The following SDK2 variants were observed in gnomAD, a reference collection of about 807,000 sequenced individuals.
SDK2 encodes the protein sidekick cell adhesion molecule 2.
SDK2 carries 105 observed loss-of-function variants against 253.9 expected under a neutral mutation model. The ratio of observed to expected loss-of-function variants is 0.41; its 90% CI spans 0.35 to 0.49. SDK2 has a LOEUF of 0.49. SDK2 is among the 20% of genes least tolerant of loss of function. The pLI is 0.06. For missense variants in SDK2, 2,608 were observed against 3,003.0 expected, an observed-to-expected ratio of 0.87 and a Z score of 3.07; for synonymous variants, 1,249 against 1,234.9, an observed-to-expected ratio of 1.01 and a Z score of -0.24.
chr17:73,399,862 C>T (rs1217576237), intron 21 of SDK2, among the ~76,000 whole-genome samples: 1 of 152,190 alleles, frequency 6.6e-6, no homozygotes, highest in Admixed American at 6.5e-5. Context: ...CCACTACTTA[C>T]AGGCTGTGTG....
chr17:73,372,354 G>A (rs1296666905), intron 36 of SDK2, among the ~76,000 whole-genome samples: 3 of 152,160 alleles, frequency 2.0e-5, no homozygotes, highest in African/African-American at 4.8e-5. Context: ...AGGCTCCAGC[G>A]GGCAGGCATC....
rs139907186 is a variant in SDK2, at chr17:73,373,340, T to G, written c.4981-4747A>C. ...AAATTAACATGGGCCTGCAGATAGC[T>G]CTTCAAGAGCCTCATTTCAATTCCT... is the stretch of plus-strand genomic sequence containing the variant. On this transcript the variant is annotated intron_variant, in intron 36 of 44. Transcript: ENST00000392650. Among the ~76,000 whole-genome samples, 1,092 of 152,318 alleles carry G rather than the reference T, an allele frequency of 7.2e-3. 14 individuals are homozygous for G. Among genetic ancestry groups the G allele is most frequent in the African/African-American group, 0.025 (1,037 of 41,556 alleles).
intron 12 of SDK2, among the ~76,000 whole-genome samples, chr17:73,426,687 C>T (rs148033099): frequency 6.6e-6 from 1 of 152,258 alleles, no homozygotes; most frequent in East Asian, 1.9e-4. Flanking sequence ...CAGTAATCAC[C>T]TTCAATTCAT....
chr17:73,591,982 G>A (rs1375765119), intron 1 of SDK2, among the ~76,000 whole-genome samples: 1 of 152,166 alleles, frequency 6.6e-6, no homozygotes, highest in African/African-American at 2.4e-5. Flanking sequence ...TGGGGACGTG[G>A]GGTACGTGCT....
rs553287127 is a variant in SDK2, at chr17:73,601,414, C to T, written c.64+42611G>A. On this transcript the variant is annotated intron_variant, in intron 1 of 44. Transcript: ENST00000392650. ...AAATTCATGTCCACCCAGAACCTCA[C>T]GATGTGGCCTAATTTGGAAAGAAGG... is the stretch of plus-strand genomic sequence containing the variant. Among the ~76,000 whole-genome samples the T allele has an allele frequency of 7.9e-4, 120 of 152,246 alleles. 1 individual carries two copies. The highest frequency in any genetic ancestry group is 2.7e-3 in the African/African-American group (112 of 41,544).
intron 1 of SDK2, among the ~76,000 whole-genome samples, chr17:73,557,043 G>A (rs920769602): frequency 6.6e-6 from 1 of 152,212 alleles, no homozygotes; most frequent in African/African-American, 2.4e-5. Context: ...CAGACACTGG[G>A]GTTGGCCTTA....
chr17:73,591,789 G>A (rs896066526), intron 1 of SDK2, among the ~76,000 whole-genome samples: 2 of 152,194 alleles, frequency 1.3e-5, no homozygotes, highest in Admixed American at 6.5e-5. Context: ...ACATGACTGA[G>A]CTTTGCGGAG....
At chr17:73,613,539 G>C (rs2046005514) in intron 1 of SDK2, among the ~76,000 whole-genome samples, 1 of 151,998 alleles carries the variant, frequency 6.6e-6, no homozygotes, top group Non-Finnish European at 1.5e-5. Context: ...TCAGCTGTTT[G>C]CAGGCATTTG....
intron 2 of SDK2, among the ~76,000 whole-genome samples, chr17:73,495,613 C>T (rs1178336517): frequency 7.2e-6 from 1 of 138,988 alleles, no homozygotes; most frequent in Non-Finnish European, 1.6e-5. Context: ...TATTGGAGGC[C>T]TGCCCCGTGT....
intron 1 of SDK2, chr17:73,519,709 C>T (rs962503225): frequency 4.6e-5 from 7 of 152,154 alleles, no homozygotes; most frequent in African/African-American, 1.4e-4. Flanking sequence ...AACCCATAGC[C>T]GCCTGCCTCC....
chr17:73,625,416 C>G (rs2046189230), intron 1 of SDK2, among the ~76,000 whole-genome samples: 1 of 152,118 alleles, frequency 6.6e-6, no homozygotes, highest in Non-Finnish European at 1.5e-5. Context: ...GAACAGGGTC[C>G]TAGGTGGTGG....
intron 1 of SDK2, among the ~76,000 whole-genome samples, chr17:73,597,099 A>G (rs1441113328): frequency 1.3e-5 from 2 of 152,136 alleles, no homozygotes; most frequent in Admixed American, 6.5e-5. Flanking sequence ...GCCTGTCAAG[A>G]GCCAAGATGT....
intron 2 of SDK2, among the ~76,000 whole-genome samples, chr17:73,495,619 C>CGTGT (rs60091992): frequency 0.03 from 4,425 of 148,516 alleles, 80 homozygotes; most frequent in African/African-American, 0.06. Flanking sequence ...AGGCCTGCCC[C>CGTGT]GTGTGTGTGT....
At chr17:73,427,336 T>C (rs1165663741) in intron 12 of SDK2, among the ~76,000 whole-genome samples, 1 of 152,212 alleles carries the variant, frequency 6.6e-6, no homozygotes, top group African/African-American at 2.4e-5. Flanking sequence ...CAACAAACTA[T>C]GGCCTGCTGC....
At chr17:73,382,469 C>A (rs912776111) in intron 33 of SDK2, among the ~76,000 whole-genome samples, 65 of 152,220 alleles carry the variant, frequency 4.3e-4, no homozygotes, top group Non-Finnish European at 2.1e-4. Flanking sequence ...CAGACCCAAA[C>A]AAGCCAAAGG....
rs2062375480 is a variant in SDK2 at position 73,336,089 on chromosome 17, G to T, written c.*2498C>A. 6.6e-6 allele frequency: 1 copy of T among 151,936 alleles called. No individual in the cohort carries two copies. The highest frequency in any genetic ancestry group is 1.5e-5 in the Non-Finnish European group (1 of 68,004). The allele number at this position is 151,936 out of a possible 1,614,324, so 9.4% of individuals were successfully genotyped here. On this transcript the variant is annotated 3_prime_UTR_variant, in exon 45 of 45. Transcript: ENST00000392650. ...CTTCCTCCCAAATAATCCCTCACTG[G>T]GCTGGGCTTAAATAATTCCCTAATG...
chr17:73,375,817 C>A (rs1404554906), intron 36 of SDK2, among the ~76,000 whole-genome samples: 1 of 150,892 alleles, frequency 6.6e-6, no homozygotes, highest in African/African-American at 2.4e-5. Flanking sequence ...GATCGCACCA[C>A]TGCACTTCAG....
intron 1 of SDK2, among the ~76,000 whole-genome samples, chr17:73,515,332 G>T (rs1663565523): frequency 6.6e-6 from 1 of 152,182 alleles, no homozygotes. Context: ...CAAGGAGGTT[G>T]GTGGCCTCTC....
chr17:73,403,741 G>C (rs1012987926), intron 18 of SDK2, among the ~76,000 whole-genome samples: 1 of 152,148 alleles, frequency 6.6e-6, no homozygotes, highest in Non-Finnish European at 1.5e-5. Context: ...ATAGCCTATA[G>C]CAAGTTAATT....
Sources: gnomAD v4.1 joint callset for allele counts (sites outside exome capture counted in the v4.1 genomes callset) on GRCh38, gnomAD v4.1.1 for gene constraint, MANE v1.5 for transcripts, NCBI Gene and HGNC (gene_info 2026-07-23, HGNC 2026-07-21) for gene names.